The following GNA14 variants were observed in gnomAD, a reference collection of about 807,000 sequenced individuals.
GNA14 encodes guanine nucleotide-binding protein subunit alpha-14.
In GNA14, 50 loss-of-function variants were observed where a neutral mutation model predicts 42.0. That is an observed-to-expected ratio of 1.19 (90% CI 0.95 to 1.51). GNA14 has a LOEUF of 1.51. Among genes scored for constraint, GNA14 ranks in the 40% most tolerant of loss-of-function variants. GNA14 has a pLI of 0.00. For missense variants in GNA14, 473 were observed against 446.2 expected (o/e 1.06, Z -0.54); for synonymous variants, 173 against 163.1 (o/e 1.06, Z -0.46).
At chr9:77,458,835 A>G (rs1836053408) in intron 2 of GNA14, among the ~76,000 whole-genome samples, 1 of 148,268 alleles carries the variant, frequency 6.7e-6, no homozygotes, top group South Asian at 2.1e-4. Flanking sequence ...CAGTATCTCT[A>G]CTGTGCTTTC....
chr9:77,645,198 A>C (rs1031131838), intron 1 of GNA14, among the ~76,000 whole-genome samples: 2 of 152,222 alleles, frequency 1.3e-5, no homozygotes, highest in Admixed American at 1.3e-4. Flanking sequence ...CATACTCCAC[A>C]AAAGGATTCC....
intron 1 of GNA14, among the ~76,000 whole-genome samples, chr9:77,560,740 T>G (rs1277540014): frequency 1.3e-5 from 2 of 152,162 alleles, no homozygotes; most frequent in East Asian, 3.8e-4. Context: ...CTTTCTATCT[T>G]GAGTAGCCAA....
intron 1 of GNA14, among the ~76,000 whole-genome samples, chr9:77,583,858 C>G (rs978747358): frequency 6.6e-6 from 1 of 152,176 alleles, no homozygotes; most frequent in African/African-American, 2.4e-5. Flanking sequence ...GCTCGGAGGA[C>G]CACTGCTGGA....
chr9:77,578,954 G>A (rs1218140361), intron 1 of GNA14, among the ~76,000 whole-genome samples: 1 of 152,148 alleles, frequency 6.6e-6, no homozygotes, highest in African/African-American at 2.4e-5. Context: ...CAATGCTGTG[G>A]CCCTTATCTC....
intron 1 of GNA14, among the ~76,000 whole-genome samples, chr9:77,569,619 G>A (rs962464393): frequency 2.0e-5 from 3 of 152,160 alleles, no homozygotes; most frequent in Non-Finnish European, 4.4e-5. Flanking sequence ...AATTAAGGTG[G>A]AAAGAAGAAA....
At chr9:77,550,887 C>T (rs959839147) in intron 1 of GNA14, among the ~76,000 whole-genome samples, 11 of 152,162 alleles carry the variant, frequency 7.2e-5, no homozygotes, top group South Asian at 2.1e-4. Flanking sequence ...AATTTAGCTA[C>T]GCTAGGTCTC....
chr9:77,452,644 T>TGTCTGTGG (rs1564018411), intron 2 of GNA14, among the ~76,000 whole-genome samples: 5 of 1,112 alleles, frequency 4.5e-3, no homozygotes, highest in East Asian at 0.045. Context: ...GTGTGTGTGT[T>TGTCTGTGG]TGTGTTTGTG....
chr9:77,456,593 A>G (rs1288633709), intron 2 of GNA14: 1 of 152,220 alleles, frequency 6.6e-6, no homozygotes. Context: ...ACCCAAAAGC[A>G]CGATGTGACT....
chr9:77,448,131 C>T (rs1180059735), intron 2 of GNA14, among the ~76,000 whole-genome samples: 1 of 152,216 alleles, frequency 6.6e-6, no homozygotes, highest in South Asian at 2.1e-4. Flanking sequence ...GTGATATGAT[C>T]TGCCTGCTTT....
At chr9:77,598,191 C>A (rs1474383592) in intron 1 of GNA14, among the ~76,000 whole-genome samples, 1 of 152,150 alleles carries the variant, frequency 6.6e-6, no homozygotes, top group African/African-American at 2.4e-5. Flanking sequence ...GCAAAGAACT[C>A]TATTACTTTT....
chr9:77,517,052 C>G (rs1837269658), intron 2 of GNA14, among the ~76,000 whole-genome samples: 1 of 152,170 alleles, frequency 6.6e-6, no homozygotes, highest in Non-Finnish European at 1.5e-5. Flanking sequence ...GTGGAGGAAT[C>G]ACAGAAATGG....
chr9:77,639,791 A>G (rs1428631254), intron 1 of GNA14, among the ~76,000 whole-genome samples: 1 of 152,120 alleles, frequency 6.6e-6, no homozygotes, highest in Non-Finnish European at 1.5e-5. Flanking sequence ...ACTCTAATAA[A>G]TTATTACTCT....
At chr9:77,426,120 T>C (rs543740149) in intron 5 of GNA14, among the ~76,000 whole-genome samples, 1 of 152,250 alleles carries the variant, frequency 6.6e-6, no homozygotes, top group African/African-American at 2.4e-5. Flanking sequence ...CCTCAGTTGG[T>C]TATGGGCTTC....
chr9:77,621,726 CA>C (rs1400699417), intron 1 of GNA14, among the ~76,000 whole-genome samples: 4 of 152,158 alleles, frequency 2.6e-5, no homozygotes, highest in African/African-American at 7.2e-5. Context: ...AGACCATCTA[CA>C]ATTCCATATC....
intron 1 of GNA14, among the ~76,000 whole-genome samples, chr9:77,552,800 A>G (rs1247632559): frequency 1.3e-5 from 2 of 152,202 alleles, no homozygotes; most frequent in Admixed American, 6.5e-5. Context: ...ATAGCCAAAT[A>G]CAATTAGTGC....
At position 77,640,871 on chromosome 9, in the gene GNA14, CA is replaced by C. The variant is rs1178043976; in HGVS notation, c.124+6798del. Among the ~76,000 whole-genome samples the C allele has an allele frequency of 8.4e-3, 229 of 27,372 alleles. 1 individual carries two copies. The highest frequency in any genetic ancestry group is 9.9e-3 in the Non-Finnish European group (131 of 13,228). 18.0% of individuals were successfully genotyped at this position (27,372 alleles called of 152,430 possible). On this transcript the variant is annotated intron_variant, in intron 1 of 6. Transcript: ENST00000341700. ...TTATGCCAGAAAACAATAAAATGCT[CA>C]AAAAAAAAAAAAAAAAAAAACAACA...
chr9:77,590,212 C>G (rs1178315067), intron 1 of GNA14, among the ~76,000 whole-genome samples: 1 of 152,160 alleles, frequency 6.6e-6, no homozygotes, highest in Non-Finnish European at 1.5e-5. Flanking sequence ...CCACCGCACC[C>G]GGCCCCAAGT....
chr9:77,631,247 G>C (rs1587854795), intron 1 of GNA14, among the ~76,000 whole-genome samples: 1 of 152,010 alleles, frequency 6.6e-6, no homozygotes, highest in Admixed American at 6.6e-5. Context: ...CCTCTAGAAG[G>C]GAAGAAAGCC....
At chr9:77,426,971 T>C (rs1424582222) in intron 5 of GNA14, among the ~76,000 whole-genome samples, 1 of 152,090 alleles carries the variant, frequency 6.6e-6, no homozygotes, top group East Asian at 1.9e-4. Context: ...TCAGTACGCA[T>C]TGGGGGAATT....
Sources: allele counts gnomAD v4.1 joint callset (sites outside exome capture counted in the v4.1 genomes callset), GRCh38; gene constraint gnomAD v4.1.1; transcripts MANE v1.5; gene names NCBI Gene and HGNC (gene_info 2026-07-23, HGNC 2026-07-21).